ADCY9: variants seen among roughly 807,000 people sequenced by gnomAD.
ADCY9 encodes adenylate cyclase type 9.
A neutral mutation model predicts 101.5 loss-of-function variants in ADCY9; 50 were observed. That is an observed-to-expected ratio of 0.49 (90% CI 0.39 to 0.62). The LOEUF is 0.62. Among genes scored for constraint, ADCY9 ranks in the 20% least tolerant of loss-of-function variants. The pLI, the probability that ADCY9 is intolerant of heterozygous loss-of-function variation, is 0.00. For missense variants in ADCY9, 1,662 were observed against 1,800.4 expected (o/e 0.92, Z 1.39); for synonymous variants, 905 against 769.3 (o/e 1.18, Z -2.92).
At chr16:4,085,167 G>C (rs1475278466) in intron 2 of ADCY9, among the ~76,000 whole-genome samples, 1 of 152,164 alleles carries the variant, frequency 6.6e-6, no homozygotes, top group Non-Finnish European at 1.5e-5. Context: ...TTCGAGACCA[G>C]CCTGGCCAAC....
chr16:4,077,690 G>A (rs1169820391), intron 2 of ADCY9, among the ~76,000 whole-genome samples: 1 of 152,012 alleles, frequency 6.6e-6, no homozygotes, highest in East Asian at 1.9e-4. Context: ...AAAATCTAAG[G>A]CTATCTGATT....
chr16:4,029,530 C>A (rs112672103), intron 2 of ADCY9, among the ~76,000 whole-genome samples: 1 of 152,078 alleles, frequency 6.6e-6, no homozygotes, highest in East Asian at 1.9e-4. Context: ...GTGGACCACC[C>A]GAGGTCGGGA....
At chr16:4,020,463 T>A (rs1000356333) in intron 2 of ADCY9, among the ~76,000 whole-genome samples, 3 of 152,164 alleles carry the variant, frequency 2.0e-5, no homozygotes, top group African/African-American at 7.2e-5. Flanking sequence ...TTATTATAGA[T>A]GACATTTAGA....
At chr16:4,109,765 C>G (rs1157731167) in intron 2 of ADCY9, among the ~76,000 whole-genome samples, 3 of 152,186 alleles carry the variant, frequency 2.0e-5, no homozygotes, top group African/African-American at 7.2e-5. Flanking sequence ...TCACCCCTAC[C>G]TGGGATTTAC....
At chr16:4,074,716 CAAAA>C (rs55742993) in intron 2 of ADCY9, among the ~76,000 whole-genome samples, 1 of 100,428 alleles carries the variant, frequency 1.0e-5, no homozygotes, top group East Asian at 2.8e-4. Context: ...TACCCAGTGG[CAAAA>C]AAAAAAAAAA....
intron 5 of ADCY9, among the ~76,000 whole-genome samples, chr16:3,954,724 C>T (rs1037016963): frequency 1.3e-5 from 2 of 152,136 alleles, no homozygotes; most frequent in East Asian, 1.9e-4. Context: ...TCAGAGCAGC[C>T]GCAACACTGG....
At chr16:3,974,402 A>C (rs142125314) in intron 10 of ADCY9, among the ~76,000 whole-genome samples, 4 of 152,326 alleles carry the variant, frequency 2.6e-5, no homozygotes, top group African/African-American at 9.6e-5. Context: ...TTGATTTGCG[A>C]GATTTCCTTT....
chr16:3,956,504 G>GT (rs1555504576), intron 5 of ADCY9, among the ~76,000 whole-genome samples: 7 of 4,718 alleles, frequency 1.5e-3, no homozygotes, highest in African/African-American at 3.5e-3. Context: ...TTTTTTTTTT[G>GT]GGGGGGGATG....
chr16:4,113,964 G>A lies in ADCY9; in HGVS notation c.1479C>T (p.Gly493=), dbSNP rs548149103. The change falls in exon 2 of 11, where the codon GGC becomes GGT. Residue 493 remains glycine (G), a synonymous_variant. Transcript: ENST00000294016. Reference sequence around the variant, plus strand: ...TGCCCAGGATGCCGCAAAGGACGGTGCCCGTGTGCACCCCGACTCTCATGT... The same window carrying A: ...TGCCCAGGATGCCGCAAAGGACGGTACCCGTGTGCACCCCGACTCTCATGT... ...MVNMRVGVHT[G]TVLCGILGMR... is the part of the protein sequence containing the mutation. 1 of 1,613,980 alleles carries A rather than the reference G, an allele frequency of 6.2e-7. No individual in the cohort carries two copies. The highest frequency in any genetic ancestry group is 1.1e-5 in the South Asian group (1 of 91,080).
At chr16:4,008,195 C>T (rs563870599) in intron 2 of ADCY9, among the ~76,000 whole-genome samples, 24 of 143,734 alleles carry the variant, frequency 1.7e-4, no homozygotes, top group Non-Finnish European at 3.4e-4. Context: ...TCACAAAATC[C>T]CGCATATAGA....
At chr16:4,040,141 A>C (rs1475361921) in intron 2 of ADCY9, among the ~76,000 whole-genome samples, 2 of 152,174 alleles carry the variant, frequency 1.3e-5, no homozygotes. Context: ...TCTAGGCTAA[A>C]ATTTTGGTTT....
At chr16:4,103,237 C>G (rs1256205279) in intron 2 of ADCY9, among the ~76,000 whole-genome samples, 1 of 152,264 alleles carries the variant, frequency 6.6e-6, no homozygotes, top group African/African-American at 2.4e-5. Context: ...AACCCTCAGT[C>G]TTCCCATCTT....
At chr16:3,999,580 C>T (rs1280923698) in intron 3 of ADCY9, among the ~76,000 whole-genome samples, 2 of 152,300 alleles carry the variant, frequency 1.3e-5, no homozygotes, top group South Asian at 4.1e-4. Context: ...CCAAGCAGCA[C>T]CCTGGGCCCT....
At chr16:3,978,159 G>C (rs1451408443) in intron 8 of ADCY9, among the ~76,000 whole-genome samples, 1 of 152,172 alleles carries the variant, frequency 6.6e-6, no homozygotes, top group Non-Finnish European at 1.5e-5. Flanking sequence ...GAGGCTCCCT[G>C]TTCACATGGC....
At chr16:3,970,040 G>A (rs2056037389) in intron 10 of ADCY9, among the ~76,000 whole-genome samples, 1 of 152,012 alleles carries the variant, frequency 6.6e-6, no homozygotes, top group African/African-American at 2.4e-5. Context: ...TTACAACACC[G>A]TGACTGTTCT....
rs540007445 is a variant in ADCY9, at chr16:4,089,682, G to C, written c.1693+24068C>G. 2.0e-5 allele frequency among the ~76,000 whole-genome samples: 3 copies of C among 152,040 alleles called. No individual in the cohort carries two copies. The South Asian group carries it at 6.2e-4, about 32-fold the overall frequency. ...TTCTGCAGCAAGTGAACCATTTCAC[G>C]TTCTCACCAGCCGTAAAGGGGAAAG... is the stretch of plus-strand genomic sequence containing the variant. On this transcript the variant is annotated intron_variant, in intron 2 of 10. Coordinates refer to ENST00000294016, the MANE Select transcript of ADCY9 (RefSeq NM_001116.4).
In ADCY9 at chr16:4,097,545, ATATATATATTTTTTTT is replaced by A. The variant is rs1567146992; in HGVS notation, c.1693+16189_1693+16204del. Reference sequence around the variant, plus strand: ...CATATGTACATATATATATATATATATATATATATTTTTTTTTTTTTTTTTTAAGACAGAGTCTTGC... The same window carrying A: ...CATATGTACATATATATATATATATATTTTTTTTTTAAGACAGAGTCTTGC... On this transcript the variant is annotated intron_variant, in intron 2 of 10. Transcript: ENST00000294016. 9.4e-5 allele frequency among the ~76,000 whole-genome samples: 5 copies of A among 53,340 alleles called. 1 individual carries two copies. Among genetic ancestry groups the A allele is most frequent in the Non-Finnish European group, 1.4e-4 (4 of 27,642 alleles). 35.0% of individuals were successfully genotyped at this position (53,340 alleles called of 152,430 possible).
At chr16:3,976,165 G>T (rs897682288) in intron 9 of ADCY9, among the ~76,000 whole-genome samples, 1 of 151,926 alleles carries the variant, frequency 6.6e-6, no homozygotes, top group Non-Finnish European at 1.5e-5. Flanking sequence ...CTAATTTTTT[G>T]TATTTTTAGT....
chr16:4,014,302 G>C (rs1021460538), intron 2 of ADCY9, among the ~76,000 whole-genome samples: 3 of 146,692 alleles, frequency 2.0e-5, no homozygotes, highest in Non-Finnish European at 3.0e-5. Flanking sequence ...CTGGGTGACA[G>C]AGTGAGACTT....
Sources: gnomAD v4.1 joint callset for allele counts (sites outside exome capture counted in the v4.1 genomes callset) on GRCh38, gnomAD v4.1.1 for gene constraint, MANE v1.5 for transcripts, NCBI Gene and HGNC (gene_info 2026-07-23, HGNC 2026-07-21) for gene names.